Variants in FAM171A1 observed in about 807,000 individuals in gnomAD.
FAM171A1 encodes family with sequence similarity 171 member A1.
In FAM171A1, 23 loss-of-function variants were observed where a neutral mutation model predicts 74.9. That is an observed-to-expected ratio of 0.31 (90% confidence interval 0.22 to 0.44). The LOEUF is 0.44. Among genes scored for constraint, FAM171A1 ranks in the 20% least tolerant of loss-of-function variants. The pLI, the probability that FAM171A1 is intolerant of heterozygous loss-of-function variation, is 1.00. For synonymous variants in FAM171A1, 527 were observed against 505.7 expected (o/e 1.04, Z -0.57); for missense variants, 1,162 against 1,159.2 (o/e 1.00, Z -0.03).
chr10:15,309,613 C>G (rs1835336474), intron 1 of FAM171A1, among the ~76,000 whole-genome samples: 1 of 152,266 alleles, frequency 6.6e-6, no homozygotes, highest in Non-Finnish European at 1.5e-5. Flanking sequence ...CCACAGCATT[C>G]AAAGTCTTGG....
chr10:15,219,381 T>C lies in FAM171A1; in HGVS notation c.871+1563A>G, dbSNP rs75529083. Reference sequence around the variant, plus strand: ...ATGATGGGAAAACTAATAGCTGAGATTGAAATACATCTAAAATTAAAGTTC... The same window carrying C: ...ATGATGGGAAAACTAATAGCTGAGACTGAAATACATCTAAAATTAAAGTTC... On this transcript the variant is annotated intron_variant, in intron 6 of 7. Transcript: ENST00000378116. Among the ~76,000 whole-genome samples, 400 of 152,306 alleles carry C rather than the reference T, an allele frequency of 2.6e-3. 1 individual carries two copies. The highest frequency in any genetic ancestry group is 8.4e-3 in the African/African-American group (348 of 41,570).
chr10:15,283,999 C>T lies in FAM171A1; in HGVS notation c.204G>A (p.Ser68=), dbSNP rs200703148. The change falls in exon 2 of 8, where the codon TCG becomes TCA. Residue 68 remains serine, a synonymous_variant. Transcript: ENST00000378116. ...TNQASIASGT[S]GTDGVAFIKF... ...TGATAAAGGCGACGCCATCAGTCCC[C>T]GAGGTGCCAGAGGCTATGGAGGCCT... 1.4e-5 allele frequency: 22 copies of T among 1,614,160 alleles called. No homozygotes were observed. Among genetic ancestry groups the T allele is most frequent in the South Asian group, 6.6e-5 (6 of 91,070 alleles).
chr10:15,283,000 C>G (rs954339736), intron 2 of FAM171A1, among the ~76,000 whole-genome samples: 1 of 152,226 alleles, frequency 6.6e-6, no homozygotes, highest in Admixed American at 6.5e-5. Context: ...CGAATATGCT[C>G]ACTTGGTGTC....
intron 1 of FAM171A1, among the ~76,000 whole-genome samples, chr10:15,295,838 C>G (rs1041135736): frequency 1.3e-4 from 20 of 152,226 alleles, no homozygotes; most frequent in Non-Finnish European, 2.6e-4. Context: ...AGCCTCTCTC[C>G]TTAGCACCAT....
At chr10:15,302,609 C>G (rs1835245229) in intron 1 of FAM171A1, among the ~76,000 whole-genome samples, 1 of 150,870 alleles carries the variant, frequency 6.6e-6, no homozygotes, top group East Asian at 1.9e-4. Context: ...CCTCTCCAAG[C>G]ATTAGTGAGT....
At chr10:15,221,831 G>A (rs1340557345) in intron 5 of FAM171A1, among the ~76,000 whole-genome samples, 1 of 152,072 alleles carries the variant, frequency 6.6e-6, no homozygotes, top group Non-Finnish European at 1.5e-5. Flanking sequence ...AGAACCTGGG[G>A]CTGCCTGACC....
chr10:15,286,510 G>A (rs2131811924), intron 1 of FAM171A1, among the ~76,000 whole-genome samples: 1 of 152,250 alleles, frequency 6.6e-6, no homozygotes, highest in Non-Finnish European at 1.5e-5. Flanking sequence ...TTGAACTCCT[G>A]ATGTCAGGTG....
chr10:15,324,728 G>A (rs185793397), intron 1 of FAM171A1, among the ~76,000 whole-genome samples: 33 of 151,444 alleles, frequency 2.2e-4, no homozygotes, highest in Non-Finnish European at 4.4e-4. Context: ...AGTTTCAAGA[G>A]TGAGGGGGAA....
chr10:15,214,758 C>CT (rs1206537948), intron 7 of FAM171A1, among the ~76,000 whole-genome samples, 157 bp from the exon 8 acceptor site: 31,286 of 140,396 alleles, frequency 0.22, 3,454 homozygotes, highest in East Asian at 0.3. Context: ...CACGCCCTGT[C>CT]TTTTTTTTTT....
At chr10:15,223,268 C>T (rs1460659754) in intron 5 of FAM171A1, among the ~76,000 whole-genome samples, 1 of 152,230 alleles carries the variant, frequency 6.6e-6, no homozygotes, top group East Asian at 1.9e-4. Context: ...GCTCCTACTC[C>T]CGCTCCAGGC....
chr10:15,220,884 T>C (rs1347578572), intron 6 of FAM171A1, 60 bp downstream of exon 6: 15 of 1,275,902 alleles, frequency 1.2e-5, no homozygotes, highest in Non-Finnish European at 1.7e-5. Context: ...ATACTTAGCC[T>C]GAACCCTCAA....
chr10:15,305,785 A>G (rs1835287511), intron 1 of FAM171A1, among the ~76,000 whole-genome samples: 1 of 152,102 alleles, frequency 6.6e-6, no homozygotes, highest in Non-Finnish European at 1.5e-5. Flanking sequence ...TCCAATATGC[A>G]AATTGGACTG....
At chr10:15,290,099 A>G (rs1401939201) in intron 1 of FAM171A1, among the ~76,000 whole-genome samples, 1 of 152,038 alleles carries the variant, frequency 6.6e-6, no homozygotes, top group Non-Finnish European at 1.5e-5. Context: ...GTGGTAGTAC[A>G]CGCTTGTAGT....
rs1835020830 is a variant in FAM171A1 at position 15,285,188 on chromosome 10, A to G, written c.98-1083T>C. 2.0e-5 allele frequency among the ~76,000 whole-genome samples: 3 copies of G among 152,344 alleles called. No homozygotes were observed. The South Asian group carries it at 6.2e-4, about 32-fold the overall frequency. ...AGGAAAGTACCATGGCTGAGGGGGA[A>G]CAGCATGTGTGGAGGCTTAGAGGCA... On this transcript the variant is annotated intron_variant, in intron 1 of 7. Transcript: ENST00000378116.
chr10:15,292,675 C>T (rs1055594496), intron 1 of FAM171A1, among the ~76,000 whole-genome samples: 1 of 151,940 alleles, frequency 6.6e-6, no homozygotes, highest in Non-Finnish European at 1.5e-5. Flanking sequence ...AGCAGAGATG[C>T]GGGTTTTGCC....
At chr10:15,297,922 G>T (rs2131824076) in intron 1 of FAM171A1, among the ~76,000 whole-genome samples, 1 of 152,282 alleles carries the variant, frequency 6.6e-6, no homozygotes, top group East Asian at 1.9e-4. Flanking sequence ...CTAATCAAGG[G>T]TTATTTAGGG....
intron 1 of FAM171A1, among the ~76,000 whole-genome samples, chr10:15,301,359 TA>T (rs1238798315): frequency 2.9e-4 from 37 of 128,394 alleles, no homozygotes; most frequent in Middle Eastern, 8.1e-3. Context: ...TATATATATA[TA>T]TATTTTTTTT....
chr10:15,374,032 C>T (rs1836177310), upstream of FAM171A1, among the ~76,000 whole-genome samples: 1 of 152,164 alleles, frequency 6.6e-6, no homozygotes, highest in East Asian at 1.9e-4. Flanking sequence ...TTTACTGGCT[C>T]AACCAAAAAT....
At chr10:15,232,534 AT>A (rs1236120977) in intron 5 of FAM171A1, among the ~76,000 whole-genome samples, 2 of 151,742 alleles carry the variant, frequency 1.3e-5, no homozygotes, top group East Asian at 1.9e-4. Context: ...GAACTGTTTG[AT>A]TTTTTTTTCC....
Sources: allele counts gnomAD v4.1 joint callset (sites outside exome capture counted in the v4.1 genomes callset), GRCh38; gene constraint gnomAD v4.1.1; transcripts MANE v1.5; gene names NCBI Gene and HGNC (gene_info 2026-07-23, HGNC 2026-07-21).